The following MRTFA variants were observed in gnomAD, a reference collection of about 807,000 sequenced individuals.
MRTFA encodes myocardin-related transcription factor A.
Under a neutral mutation model 83.5 loss-of-function variants are expected in MRTFA, and 20 were observed. The ratio of observed to expected loss-of-function variants is 0.24; its 90% CI spans 0.17 to 0.35. The LOEUF is 0.35. Among genes scored for constraint, MRTFA ranks in the 10% least tolerant of loss-of-function variants. MRTFA has a pLI of 1.00. For missense variants in MRTFA, 1,200 were observed against 1,224.7 expected, an observed-to-expected ratio of 0.98 and a Z score of 0.30; for synonymous variants, 659 against 541.2, an observed-to-expected ratio of 1.22 and a Z score of -3.02.
intron 3 of MRTFA, among the ~76,000 whole-genome samples, chr22:40,550,806 G>C (rs2055432017): frequency 6.6e-6 from 1 of 151,068 alleles, no homozygotes; most frequent in Non-Finnish European, 1.5e-5. Context: ...GGTGGTATTT[G>C]AACACACAAT....
intron 2 of MRTFA, among the ~76,000 whole-genome samples, chr22:40,582,010 C>G (rs780522863): frequency 3.9e-5 from 6 of 152,198 alleles, no homozygotes; most frequent in Non-Finnish European, 5.9e-5. Context: ...ACCATTACTA[C>G]TAGCTAATAC....
intron 3 of MRTFA, among the ~76,000 whole-genome samples, chr22:40,535,729 G>A (rs995385518): frequency 1.7e-4 from 26 of 152,136 alleles, no homozygotes; most frequent in African/African-American, 6.3e-4. Context: ...GTATTTACAG[G>A]AAAATAAATA....
intron 1 of MRTFA, among the ~76,000 whole-genome samples, chr22:40,618,135 C>T (rs901231381): frequency 1.3e-5 from 2 of 151,274 alleles, no homozygotes; most frequent in Admixed American, 6.6e-5. Context: ...AGCACACTGG[C>T]ACAATCTCGG....
intron 3 of MRTFA, chr22:40,533,919 G>A (rs140070211): frequency 7.8e-4 from 240 of 309,090 alleles, no homozygotes; most frequent in African/African-American, 4.6e-3. Context: ...CTTGCTATTC[G>A]TCTCTGGGGG....
intron 1 of MRTFA, among the ~76,000 whole-genome samples, chr22:40,622,161 T>C (rs133040): frequency 0.29 from 43,684 of 152,034 alleles, 7,451 homozygotes; most frequent in East Asian, 0.63. Context: ...CAAAAAGGGC[T>C]AGGAGTCTTT....
chr22:40,591,047 A>ATT (rs2056113509), intron 2 of MRTFA, among the ~76,000 whole-genome samples: 1 of 152,130 alleles, frequency 6.6e-6, no homozygotes, highest in Non-Finnish European at 1.5e-5. Flanking sequence ...AGGCAGGAGA[A>ATT]TTGCTTGAAC....
intron 1 of MRTFA, among the ~76,000 whole-genome samples, chr22:40,613,287 A>G: frequency 6.6e-6 from 1 of 152,194 alleles, no homozygotes; most frequent in Non-Finnish European, 1.5e-5. Context: ...TTGTGAATAA[A>G]GCTGCTATGA....
chr22:40,457,470 G>GAA (rs1602273781), intron 4 of MRTFA, among the ~76,000 whole-genome samples: 1 of 146,040 alleles, frequency 6.8e-6, no homozygotes, highest in Non-Finnish European at 1.5e-5. Context: ...AAGAAAGAAA[G>GAA]AAAGAAAGAA....
At chr22:40,617,432 G>A (rs568935203) in intron 1 of MRTFA, among the ~76,000 whole-genome samples, 93 of 152,208 alleles carry the variant, frequency 6.1e-4, no homozygotes, top group African/African-American at 2.2e-3. Context: ...AGGTGTGGTA[G>A]AAAGAATGGC....
At chr22:40,482,670 T>TAGCAGAACTA (rs2054110570) in intron 3 of MRTFA, among the ~76,000 whole-genome samples, 1 of 152,192 alleles carries the variant, frequency 6.6e-6, no homozygotes, top group African/African-American at 2.4e-5. Flanking sequence ...GCATTAGTTC[T>TAGCAGAACTA]GCCCATTCAC....
Position 40,498,759 on chromosome 22 carries a change from C to A in MRTFA, c.242-35473G>T, listed in dbSNP as rs185227997. Reference sequence around the variant, plus strand: ...CTACCTCTCAGGAGCAGGCCACAGGCAGGATGATACAGTGGCTAGGAATTT... The same window carrying A: ...CTACCTCTCAGGAGCAGGCCACAGGAAGGATGATACAGTGGCTAGGAATTT... On this transcript the variant is annotated intron_variant, in intron 3 of 14. Coordinates refer to ENST00000355630, the MANE Select transcript of MRTFA (RefSeq NM_020831.6). 2.2e-3 allele frequency among the ~76,000 whole-genome samples: 339 copies of A among 152,234 alleles called. 1 individual carries two copies. Among genetic ancestry groups the A allele is most frequent in the African/African-American group, 7.7e-3 (321 of 41,538 alleles).
In MRTFA at chr22:40,418,684, T is replaced by G. The variant is rs1384394239; in HGVS notation, c.2054A>C (p.Gln685Pro). 2 of 1,223,708 alleles carry G rather than the reference T, an allele frequency of 1.6e-6. No homozygotes were observed. Among genetic ancestry groups the G allele is most frequent in the Admixed American group, 7.2e-5 (2 of 27,700 alleles). The allele number at this position is 1,223,708 out of a possible 1,614,324, so 75.8% of individuals were successfully genotyped here. A position where few individuals can be genotyped will look rare whatever the true frequency, so the allele number is the denominator to read the frequency against. Reference sequence around the variant, plus strand: ...GGGGCCCAGGGGCTGCTGGCTCAGCTGGCAGCTGGAGAAGCTGTTCTCCTG... The same window carrying G: ...GGGGCCCAGGGGCTGCTGGCTCAGCGGGCAGCTGGAGAAGCTGTTCTCCTG... Residue 685 changes from glutamine to proline, a missense_variant, in exon 12 of 15, where the codon CAG becomes CCG. Around this residue, in one of 2 missense-constraint regions of MRTFA, gnomAD observed 1,107 missense variants for 1,041.8 expected, o/e 1.06. Coordinates refer to ENST00000355630, the MANE Select transcript of MRTFA (RefSeq NM_020831.6).
intron 7 of MRTFA, among the ~76,000 whole-genome samples, chr22:40,428,277 C>A (rs775091288): frequency 6.6e-6 from 1 of 152,134 alleles, no homozygotes; most frequent in Non-Finnish European, 1.5e-5. Context: ...TGGGATCAGA[C>A]GCTATCTGCA....
At chr22:40,632,159 A>G (rs914634812) in intron 1 of MRTFA, among the ~76,000 whole-genome samples, 1 of 152,184 alleles carries the variant, frequency 6.6e-6, no homozygotes, top group Non-Finnish European at 1.5e-5. Context: ...GGCCCACATG[A>G]AGAGGAATTG....
intron 1 of MRTFA, among the ~76,000 whole-genome samples, chr22:40,609,611 A>G (rs2056361534): frequency 6.6e-6 from 1 of 152,004 alleles, no homozygotes; most frequent in African/African-American, 2.4e-5. Context: ...TGGGTGGATC[A>G]CTTGAGGTCA....
chr22:40,499,667 C>T (rs956670383), intron 3 of MRTFA, among the ~76,000 whole-genome samples: 8 of 152,174 alleles, frequency 5.3e-5, no homozygotes, highest in Admixed American at 2.6e-4. Flanking sequence ...GTTTTAACTA[C>T]CTCTTAAAAT....
At chr22:40,456,175 G>C (rs1027555591) in intron 4 of MRTFA, among the ~76,000 whole-genome samples, 1 of 152,042 alleles carries the variant, frequency 6.6e-6, no homozygotes, top group Non-Finnish European at 1.5e-5. Flanking sequence ...GAGAAACACT[G>C]AAGATTTAGG....
chr22:40,488,721 T>C (rs1321622414), intron 3 of MRTFA, among the ~76,000 whole-genome samples: 1 of 152,046 alleles, frequency 6.6e-6, no homozygotes, highest in Non-Finnish European at 1.5e-5. Context: ...TAATCCCAGC[T>C]ACTCAGGAAG....
chr22:40,459,862 T>TATACAC (rs796103400), intron 4 of MRTFA, among the ~76,000 whole-genome samples: 10 of 121,498 alleles, frequency 8.2e-5, no homozygotes, highest in Middle Eastern at 8.4e-3. Flanking sequence ...TATATATATA[T>TATACAC]ACACACATGA....
Sources: allele counts gnomAD v4.1 joint callset (sites outside exome capture counted in the v4.1 genomes callset), GRCh38; gene constraint gnomAD v4.1.1; regional missense constraint gnomAD v4.1.1; transcripts MANE v1.5; gene names NCBI Gene and HGNC (gene_info 2026-07-23, HGNC 2026-07-21).